Variants in MOB3B observed in about 807,000 individuals in gnomAD.
MOB3B encodes the protein MOB kinase activator-like 2B.
In MOB3B, 7 loss-of-function variants were observed where a neutral mutation model predicts 18.7. The ratio of observed to expected loss-of-function variants is 0.37; its 90% CI spans 0.21 to 0.70. The LOEUF (loss-of-function observed/expected upper bound fraction) is 0.70. Ranked by LOEUF, MOB3B falls within the 30% of genes least tolerant of loss-of-function variation. MOB3B has a pLI of 0.52. For missense variants in MOB3B, 253 were observed against 281.3 expected, an observed-to-expected ratio of 0.90 and a Z score of 0.72; for synonymous variants, 111 against 99.9, an observed-to-expected ratio of 1.11 and a Z score of -0.66.
intron 1 of MOB3B, among the ~76,000 whole-genome samples, chr9:27,481,527 T>TTG (rs1194692546): frequency 7.7e-6 from 1 of 129,908 alleles, no homozygotes; most frequent in African/African-American, 2.7e-5. Context: ...TTTGTTTTTT[T>TTG]TTTTTTTTGA....
At chr9:27,453,971 A>G (rs1446881810) in intron 2 of MOB3B, among the ~76,000 whole-genome samples, 2 of 152,120 alleles carry the variant, frequency 1.3e-5, no homozygotes, top group African/African-American at 4.8e-5. Context: ...TTGCCCTGAC[A>G]TACAACCTAC....
chr9:27,469,040 C>G (rs971949528), intron 1 of MOB3B, among the ~76,000 whole-genome samples: 2 of 152,150 alleles, frequency 1.3e-5, no homozygotes, highest in African/African-American at 4.8e-5. Context: ...CACGCAAAGA[C>G]CTTTACCTTT....
chr9:27,522,233 C>T (rs113952257), intron 1 of MOB3B, among the ~76,000 whole-genome samples: 3,061 of 112,666 alleles, frequency 0.027, 78 homozygotes, highest in Middle Eastern at 0.073. Context: ...AGAGCAAGAC[C>T]CCGTCTCACA....
intron 2 of MOB3B, among the ~76,000 whole-genome samples, chr9:27,419,684 C>T (rs1822210528): frequency 1.3e-5 from 2 of 152,144 alleles, no homozygotes; most frequent in African/African-American, 4.8e-5. Flanking sequence ...AAACCTAAGA[C>T]CTGAAACTAT....
intron 2 of MOB3B, among the ~76,000 whole-genome samples, chr9:27,371,673 T>G (rs1444116810): frequency 6.6e-6 from 1 of 152,174 alleles, no homozygotes; most frequent in Non-Finnish European, 1.5e-5. Context: ...ATGAGTAAAG[T>G]AGGCTGGGTG....
At chr9:27,466,488 C>G (rs965221244) in intron 1 of MOB3B, among the ~76,000 whole-genome samples, 2 of 152,238 alleles carry the variant, frequency 1.3e-5, no homozygotes, top group African/African-American at 4.8e-5. Flanking sequence ...TCCAAAGTCA[C>G]TTCCACATTT....
At chr9:27,346,810 C>T (rs1821036520) in intron 3 of MOB3B, among the ~76,000 whole-genome samples, 2 of 152,232 alleles carry the variant, frequency 1.3e-5, no homozygotes, top group South Asian at 4.2e-4. Flanking sequence ...GCCTGGCCAA[C>T]ATGGTGAAAC....
intron 2 of MOB3B, among the ~76,000 whole-genome samples, chr9:27,400,187 A>T (rs1821857018): frequency 6.6e-6 from 1 of 152,256 alleles, no homozygotes; most frequent in Non-Finnish European, 1.5e-5. Context: ...GTTCCTTGAC[A>T]AATGAGAATG....
chr9:27,509,781 G>A (rs974460891), intron 1 of MOB3B, among the ~76,000 whole-genome samples: 2 of 152,048 alleles, frequency 1.3e-5, no homozygotes, highest in South Asian at 4.2e-4. Context: ...CTGGAGTGCA[G>A]TGGCACAATC....
chr9:27,424,492 G>C (rs929059399), intron 2 of MOB3B, among the ~76,000 whole-genome samples: 20 of 152,168 alleles, frequency 1.3e-4, no homozygotes, highest in Admixed American at 1.3e-3. Flanking sequence ...TTTCTCATCT[G>C]TTCTTATATG....
intron 2 of MOB3B, among the ~76,000 whole-genome samples, chr9:27,419,454 A>G (rs1822207151): frequency 6.6e-6 from 1 of 152,212 alleles, no homozygotes; most frequent in Admixed American, 6.5e-5. Flanking sequence ...GTATAAAAAT[A>G]GGCACATACA....
chr9:27,383,325 T>C (rs1463051571), intron 2 of MOB3B, among the ~76,000 whole-genome samples: 1 of 152,210 alleles, frequency 6.6e-6, no homozygotes, highest in Non-Finnish European at 1.5e-5. Context: ...CTATTATTAA[T>C]AAAGTTTCTC....
At chr9:27,350,289 T>A (rs983821139) in intron 3 of MOB3B, among the ~76,000 whole-genome samples, 2 of 151,984 alleles carry the variant, frequency 1.3e-5, no homozygotes. Context: ...AGAACCACTG[T>A]TGGCACTTTT....
chr9:27,355,256 A>C (rs551230664), intron 3 of MOB3B, among the ~76,000 whole-genome samples: 68 of 152,250 alleles, frequency 4.5e-4, no homozygotes, highest in African/African-American at 1.6e-3. Flanking sequence ...GGCAGAGGGA[A>C]AGATGAGGTG....
At chr9:27,452,884 G>A (rs1430281184) in intron 2 of MOB3B, among the ~76,000 whole-genome samples, 1 of 152,184 alleles carries the variant, frequency 6.6e-6, no homozygotes, top group Non-Finnish European at 1.5e-5. Flanking sequence ...TAGAGAGGGC[G>A]TTAGGGAGAT....
At chr9:27,523,214 A>C (rs1820367577) in intron 1 of MOB3B, among the ~76,000 whole-genome samples, 1 of 152,170 alleles carries the variant, frequency 6.6e-6, no homozygotes. Flanking sequence ...CTTTAACCAT[A>C]ATCAGAGGAA....
intron 1 of MOB3B, among the ~76,000 whole-genome samples, chr9:27,493,285 C>T (rs980278617): frequency 2.6e-5 from 4 of 152,078 alleles, no homozygotes; most frequent in African/African-American, 9.7e-5. Flanking sequence ...TTATTAGTTC[C>T]CCAAATTAAT....
At chr9:27,451,668 C>G (rs752094113) in intron 2 of MOB3B, among the ~76,000 whole-genome samples, 15 of 152,162 alleles carry the variant, frequency 9.9e-5, no homozygotes, top group Non-Finnish European at 1.6e-4. Flanking sequence ...AATTCCCAAG[C>G]AGAAATATGC....
At chr9:27,404,739 G>T (rs1821940762) in intron 2 of MOB3B, among the ~76,000 whole-genome samples, 2 of 152,080 alleles carry the variant, frequency 1.3e-5, no homozygotes, top group Admixed American at 6.6e-5. Context: ...AATAAAGATG[G>T]GGGTGCAAAT....
Sources: gnomAD v4.1 joint callset for allele counts (sites outside exome capture counted in the v4.1 genomes callset) on GRCh38, gnomAD v4.1.1 for gene constraint, MANE v1.5 for transcripts, NCBI Gene and HGNC (gene_info 2026-07-23, HGNC 2026-07-21) for gene names.